MASP1: variants seen among roughly 807,000 people sequenced by gnomAD.
MASP1 encodes the protein mannan-binding lectin serine protease 1.
A neutral mutation model predicts 77.1 loss-of-function variants in MASP1; 59 were observed. The observed-to-expected ratio is 0.77, with a 90% CI of 0.62 to 0.95. The LOEUF (loss-of-function observed/expected upper bound fraction) is 0.95. MASP1 is among the 40% of genes least tolerant of loss of function. The probability of loss-of-function intolerance (pLI) is 0.00; values close to 1 mark genes in which losing one functional copy is unlikely to be tolerated. For missense variants in MASP1, 885 were observed against 912.9 expected (o/e 0.97, Z 0.39); for synonymous variants, 362 against 354.5 (o/e 1.02, Z -0.24).
chr3:187,223,221 C>G, intron 13 of MASP1: 3 of 1,600,932 alleles, frequency 1.9e-6, no homozygotes. Context: ...ACTGTGAGAA[C>G]AGAGAAGCTA....
chr3:187,260,674 G>T lies in MASP1; in HGVS notation c.547+67C>A. On this transcript the variant is annotated intron_variant, in intron 4 of 10. Coordinates refer to ENST00000296280, the MANE Select transcript of MASP1 (RefSeq NM_139125.4). ...CTATTGCATATCTGTCTTTCTCTGA[G>T]CCTCATCTAATGTTATTGAGGATGT... is the stretch of plus-strand genomic sequence containing the variant. 5.0e-6 allele frequency: 8 copies of T among 1,602,010 alleles called. No homozygotes were observed. In the South Asian group the frequency reaches 6.6e-5, roughly 13 times the overall value.
rs964747026 is a variant in MASP1, at chr3:187,260,636, T to G, written c.547+105A>C. On this transcript the variant is annotated intron_variant, in intron 4 of 10. Transcript: ENST00000296280. ...TGTCTGAGGTGCATCATTGACTTCA[T>G]TTTTACTTGTTCCTATTGCATATCT... is the stretch of plus-strand genomic sequence containing the variant. 1.4e-5 allele frequency: 22 copies of G among 1,518,726 alleles called. No individual in the cohort carries two copies. The African/African-American group carries it at 2.1e-4, about 14-fold the overall frequency. 94.1% of individuals were successfully genotyped at this position (1,518,726 alleles called of 1,614,324 possible).
chr3:187,244,334 T>C (rs74348435), intron 8 of MASP1: 7,964 of 153,984 alleles, frequency 0.052, 324 homozygotes, highest in South Asian at 0.13. Flanking sequence ...GAGGTGGTCT[T>C]TGGGGAGCTT....
chr3:187,229,132 C>T (rs1486365798), downstream of MASP1, among the ~76,000 whole-genome samples: 1 of 152,224 alleles, frequency 6.6e-6, no homozygotes, highest in Non-Finnish European at 1.5e-5. Context: ...ATTGCCTGGA[C>T]CAAACTGTGT....
intron 2 of MASP1, among the ~76,000 whole-genome samples, chr3:187,266,365 G>T (rs538231837): frequency 6.6e-5 from 10 of 152,262 alleles, no homozygotes; most frequent in African/African-American, 1.7e-4. Flanking sequence ...TGTGACACTT[G>T]GTAGAAGAAT....
intron 10 of MASP1, among the ~76,000 whole-genome samples, chr3:187,241,069 G>C (rs916248629): frequency 6.6e-6 from 1 of 152,172 alleles, no homozygotes. Context: ...GCTTGACTAC[G>C]TTGCTGTTTG....
intron 6 of MASP1, 62 bp from the exon 7 acceptor site, chr3:187,251,814 A>T: frequency 7.8e-7 from 1 of 1,281,406 alleles, no homozygotes; most frequent in East Asian, 2.3e-5. Context: ...TTAAAGGGCC[A>T]GTCCCTAGAA....
At chr3:187,289,771 C>T (rs1168282474) in intron 1 of MASP1, among the ~76,000 whole-genome samples, 5 of 152,064 alleles carry the variant, frequency 3.3e-5, no homozygotes, top group South Asian at 2.1e-4. Flanking sequence ...ACTTGGAGCC[C>T]GAAGACCCAA....
At chr3:187,275,531 T>C (rs771204514) in intron 2 of MASP1, among the ~76,000 whole-genome samples, 13 of 152,140 alleles carry the variant, frequency 8.5e-5, no homozygotes, top group Middle Eastern at 3.2e-3. Context: ...CACCAGTTTA[T>C]AAGAGCCAAC....
intron 14 of MASP1, among the ~76,000 whole-genome samples, chr3:187,222,145 T>G (rs1301865547): frequency 6.6e-6 from 1 of 152,186 alleles, no homozygotes; most frequent in Non-Finnish European, 1.5e-5. Flanking sequence ...GATTCATCGT[T>G]CAGGTATCAT....
rs1344326996 is a variant in MASP1, at chr3:187,234,754, T to C, written c.*930A>G. 37 of 1,287,082 alleles carry C rather than the reference T, an allele frequency of 2.9e-5. No homozygotes were observed. Among genetic ancestry groups the C allele is most frequent in the Non-Finnish European group, 3.2e-5 (32 of 988,702 alleles). The allele number at this position is 1,287,082 out of a possible 1,614,324, so 79.7% of individuals were successfully genotyped here. Reference sequence around the variant, plus strand: ...TGCCCAAAAGCACAGCAGGACACAGTGTGGGTCTTTTCTTTTTCCAGGTAA... The same window carrying C: ...TGCCCAAAAGCACAGCAGGACACAGCGTGGGTCTTTTCTTTTTCCAGGTAA... On this transcript the variant is annotated 3_prime_UTR_variant, in exon 11 of 11. Transcript: ENST00000296280.
chr3:187,279,125 A>G (rs1307095795), intron 2 of MASP1, among the ~76,000 whole-genome samples: 1 of 152,234 alleles, frequency 6.6e-6, no homozygotes, highest in Non-Finnish European at 1.5e-5. Flanking sequence ...ATACAGAGGG[A>G]TATTCTTCAC....
In MASP1 at chr3:187,236,118, G is replaced by C. The variant is rs111908734; in HGVS notation, c.1753C>G (p.His585Asp). 13 of 1,613,730 alleles carry C rather than the reference G, an allele frequency of 8.1e-6. No individual in the cohort carries two copies. The highest frequency in any genetic ancestry group is 1.1e-5 in the Non-Finnish European group (13 of 1,180,032). ...CAGCCGGCCACCAGGCCCAGCATGT[G>C]GGGGGCCGGGCCTTCAGGCTCAAGC... ...PRLEPEGPAP[H>D]MLGLVAGWGI... The change falls in exon 11 of 11, where the codon CAC becomes GAC. Residue 585 changes from histidine to aspartate, a missense_variant. Physicochemically the swap from His to Asp is moderately conservative, Grantham distance 81. Transcript: ENST00000296280.
At chr3:187,262,451 C>T (rs1715665078) in intron 3 of MASP1, 92 bp downstream of exon 3, 8 of 1,261,336 alleles carry the variant, frequency 6.3e-6, no homozygotes, top group Non-Finnish European at 9.3e-6. Context: ...GGTGCACACA[C>T]AGATTTCCAT....
At chr3:187,276,451 T>C (rs1716976044) in intron 2 of MASP1, 1 of 152,178 alleles carries the variant, frequency 6.6e-6, no homozygotes, top group Non-Finnish European at 1.5e-5. Context: ...TCCCTTAACT[T>C]TTCCCTTTAT....
At chr3:187,290,550 C>T (rs531310826) in intron 1 of MASP1, among the ~76,000 whole-genome samples, 1 of 152,172 alleles carries the variant, frequency 6.6e-6, no homozygotes, top group East Asian at 1.9e-4. Context: ...TTAAGAAGAA[C>T]AGAATTATTG....
chr3:187,267,459 G>C (rs931986186), intron 2 of MASP1, among the ~76,000 whole-genome samples: 3 of 152,214 alleles, frequency 2.0e-5, no homozygotes, highest in Non-Finnish European at 4.4e-5. Context: ...TTCTAGATTA[G>C]AGTTGGCCAA....
At position 187,248,867 on chromosome 3, in the gene MASP1, G is replaced by A. The variant is rs76039296; in HGVS notation, c.1090+1384C>T. Among the ~76,000 whole-genome samples the A allele has an allele frequency of 2.4e-3, 373 of 152,262 alleles. 2 individuals carry two copies. The highest frequency in any genetic ancestry group is 8.1e-3 in the African/African-American group (337 of 41,542). ...TCATATGAAAAGGAAAAGAACAATC[G>A]TATTTTACTTCAAAGTTCTTCCTGG... On this transcript the variant is annotated intron_variant, in intron 8 of 10. Transcript: ENST00000296280.
At chr3:187,273,864 C>A (rs1413814038) in intron 2 of MASP1, among the ~76,000 whole-genome samples, 19 of 152,210 alleles carry the variant, frequency 1.2e-4, no homozygotes, top group Admixed American at 1.2e-3. Context: ...ATGAGAGGTT[C>A]TGGAGGTTGA....
Sources: allele counts gnomAD v4.1 joint callset (sites outside exome capture counted in the v4.1 genomes callset), GRCh38; gene constraint gnomAD v4.1.1; transcripts MANE v1.5; gene names NCBI Gene and HGNC (gene_info 2026-07-23, HGNC 2026-07-21).